PRKN: variants seen among roughly 807,000 people sequenced by gnomAD.
PRKN encodes parkin RBR E3 ubiquitin protein ligase.
Under a neutral mutation model 59.5 loss-of-function variants are expected in PRKN, and 56 were observed. The observed-to-expected ratio is 0.94, with a 90% confidence interval of 0.76 to 1.18. The LOEUF (loss-of-function observed/expected upper bound fraction) is 1.18, where lower values mean the gene tolerates loss of function less well. Among genes scored for constraint, PRKN ranks in the 50% most tolerant of loss-of-function variants. The probability of loss-of-function intolerance (pLI) is 0.00; values close to 1 mark genes in which losing one functional copy is unlikely to be tolerated. For missense variants in PRKN, 657 were observed against 596.4 expected, an observed-to-expected ratio of 1.10 and a Z score of -1.06; for synonymous variants, 250 against 222.1, an observed-to-expected ratio of 1.13 and a Z score of -1.12.
intron 1 of PRKN, among the ~76,000 whole-genome samples, chr6:162,498,670 C>G (rs1425981588): frequency 6.6e-6 from 1 of 151,546 alleles, no homozygotes; most frequent in East Asian, 1.9e-4. Context: ...CTTTTTAGAA[C>G]AGTCCATAAA....
intron 9 of PRKN, among the ~76,000 whole-genome samples, chr6:161,543,264 G>A (rs915981017): frequency 1.8e-4 from 27 of 152,118 alleles, no homozygotes; most frequent in African/African-American, 4.8e-4. Context: ...GTGATAAGTC[G>A]TTCAAAATAA....
At chr6:162,076,005 G>A (rs1285609165) in intron 4 of PRKN, among the ~76,000 whole-genome samples, 1 of 135,874 alleles carries the variant, frequency 7.4e-6, no homozygotes, top group East Asian at 2.4e-4. Context: ...GTCTCACTCT[G>A]TCACCCAGGC....
intron 6 of PRKN, among the ~76,000 whole-genome samples, chr6:161,829,605 C>A (rs566535498): frequency 6.6e-6 from 1 of 152,070 alleles, no homozygotes; most frequent in Non-Finnish European, 1.5e-5. Context: ...TGGATACTAA[C>A]GCTCAGGAAG....
chr6:162,040,746 A>C (rs1036282605), intron 5 of PRKN, among the ~76,000 whole-genome samples: 3 of 151,614 alleles, frequency 2.0e-5, no homozygotes, highest in African/African-American at 7.3e-5. Context: ...TGTATTTATG[A>C]ACCTGCAGAC....
At chr6:161,901,983 T>TCAGA in intron 6 of PRKN, among the ~76,000 whole-genome samples, 1 of 152,258 alleles carries the variant, frequency 6.6e-6, no homozygotes, top group Middle Eastern at 3.4e-3. Flanking sequence ...AAGTGATGAA[T>TCAGA]CAGAGCGTGT....
intron 2 of PRKN, among the ~76,000 whole-genome samples, chr6:162,337,814 C>T (rs554088898): frequency 1.3e-5 from 2 of 151,944 alleles, no homozygotes; most frequent in African/African-American, 4.8e-5. Flanking sequence ...CAAAAGTACG[C>T]TGAAGAGACT....
chr6:162,015,482 G>A lies in PRKN; in HGVS notation c.618+38609C>T, dbSNP rs9364630. On this transcript the variant is annotated intron_variant, in intron 5 of 11. Coordinates refer to ENST00000366898, the MANE Select transcript of PRKN (RefSeq NM_004562.3). ...CAATTCAGGGCTGTAATATTCTCCCGTTCAAGGTCCAGTTTCAGCCACAGC... is the reference window on the plus strand; with the variant it reads ...CAATTCAGGGCTGTAATATTCTCCCATTCAAGGTCCAGTTTCAGCCACAGC... 1.8e-4 allele frequency among the ~76,000 whole-genome samples: 27 copies of A among 152,248 alleles called. No homozygotes were observed. The East Asian group carries it at 5.0e-3, about 28-fold the overall frequency.
Position 162,727,753 on chromosome 6 carries a change from C to T in PRKN, c.-85G>A, listed in dbSNP as rs556535340. 43 of 1,423,100 alleles carry T rather than the reference C, an allele frequency of 3.0e-5. No homozygotes were observed. The East Asian group carries it at 1.0e-3, about 35-fold the overall frequency. The allele number at this position is 1,423,100 out of a possible 1,614,324, so 88.2% of individuals were successfully genotyped here. On this transcript the variant is annotated 5_prime_UTR_variant, in exon 1 of 12. Coordinates refer to ENST00000366898, the MANE Select transcript of PRKN (RefSeq NM_004562.3). Reference sequence around the variant, plus strand: ...GCCGCGCCTCCCACCAGCGGCTCTCCTGGGTTAAATCCTCCAGGCCTCCCC... The same window carrying T: ...GCCGCGCCTCCCACCAGCGGCTCTCTTGGGTTAAATCCTCCAGGCCTCCCC...
intron 3 of PRKN, among the ~76,000 whole-genome samples, chr6:162,242,749 A>G (rs1470057322): frequency 6.6e-6 from 1 of 152,136 alleles, no homozygotes; most frequent in African/African-American, 2.4e-5. Flanking sequence ...TTACACCTAC[A>G]GAGAGGCAGC....
intron 1 of PRKN, among the ~76,000 whole-genome samples, chr6:162,467,140 C>T (rs1791456447): frequency 6.6e-6 from 1 of 152,134 alleles, no homozygotes; most frequent in African/African-American, 2.4e-5. Flanking sequence ...TTAAAAATCA[C>T]ACGTAATCAA....
At chr6:161,433,890 G>A (rs553926259) in intron 9 of PRKN, among the ~76,000 whole-genome samples, 4 of 152,096 alleles carry the variant, frequency 2.6e-5, no homozygotes, top group East Asian at 1.9e-4. Context: ...GGTGGCACAC[G>A]TCTGTAATCC....
At position 161,400,069 on chromosome 6, in the gene PRKN, C is replaced by T. The variant is rs1167741039; in HGVS notation, c.1084-13192G>A. On this transcript the variant is annotated intron_variant, in intron 9 of 11. Coordinates refer to ENST00000366898, the MANE Select transcript of PRKN (RefSeq NM_004562.3). This position sits in a 1 kb window ranked among gnomAD's most constrained non-coding sequence, Gnocchi z 4.2. ...TGGGACTAGCCCTATTCTATGGGCT[C>T]AGGAGCCTCACGTGGGCACCATGTT... Among the ~76,000 whole-genome samples, 1 of 152,082 alleles carries T rather than the reference C, an allele frequency of 6.6e-6. No homozygotes were observed. Among genetic ancestry groups the T allele is most frequent in the Non-Finnish European group, 1.5e-5 (1 of 68,022 alleles).
intron 1 of PRKN, among the ~76,000 whole-genome samples, chr6:162,699,148 T>A (rs1778066452): frequency 6.6e-6 from 1 of 152,122 alleles, no homozygotes; most frequent in South Asian, 2.1e-4. Flanking sequence ...TCATTTCAGG[T>A]AAAGTAATTA....
At chr6:162,715,043 A>C (rs879048936) in intron 1 of PRKN, among the ~76,000 whole-genome samples, 1 of 152,246 alleles carries the variant, frequency 6.6e-6, no homozygotes, top group African/African-American at 2.4e-5. Flanking sequence ...TCTCTCTCTT[A>C]AAATTAATGA....
intron 1 of PRKN, among the ~76,000 whole-genome samples, chr6:162,549,551 G>A (rs377228559): frequency 2.6e-5 from 4 of 151,944 alleles, no homozygotes; most frequent in African/African-American, 9.7e-5. Context: ...TTGCAAAGAC[G>A]GATAAAATCA....
intron 5 of PRKN, among the ~76,000 whole-genome samples, chr6:162,009,285 A>G (rs1339511844): frequency 6.6e-6 from 1 of 151,794 alleles, no homozygotes; most frequent in African/African-American, 2.4e-5. Flanking sequence ...GTGAGATACT[A>G]CATTGTCTAG....
chr6:162,121,442 T>G (rs1780912013), intron 4 of PRKN, among the ~76,000 whole-genome samples: 1 of 152,132 alleles, frequency 6.6e-6, no homozygotes, highest in Non-Finnish European at 1.5e-5. Flanking sequence ...GGACAGTACT[T>G]GATGGGCCTC....
intron 2 of PRKN, among the ~76,000 whole-genome samples, chr6:162,351,906 T>C (rs1176047185): frequency 6.6e-6 from 1 of 152,074 alleles, no homozygotes; most frequent in South Asian, 2.1e-4. Flanking sequence ...TTTCCTGTGG[T>C]ATAAAAACAA....
chr6:162,059,416 T>G (rs993900307), intron 4 of PRKN, among the ~76,000 whole-genome samples: 1 of 152,214 alleles, frequency 6.6e-6, no homozygotes, highest in African/African-American at 2.4e-5. Context: ...AGTGAATTTA[T>G]ACCCTTACAA....
Sources: allele counts gnomAD v4.1 joint callset (sites outside exome capture counted in the v4.1 genomes callset), GRCh38; gene constraint gnomAD v4.1.1; non-coding constraint Gnocchi (gnomAD v3.1); transcripts MANE v1.5; gene names NCBI Gene and HGNC (gene_info 2026-07-23, HGNC 2026-07-21).